The following KLHDC4 variants were observed in gnomAD, a reference collection of about 807,000 sequenced individuals.
KLHDC4 encodes the protein kelch domain-containing protein 4.
KLHDC4 carries 90 observed loss-of-function variants against 62.4 expected under a neutral mutation model. That is an observed-to-expected ratio of 1.44 (90% CI 1.22 to 1.72). The LOEUF is 1.72. KLHDC4 is among the 40% of genes most tolerant of loss of function. KLHDC4 has a pLI of 0.00. For synonymous variants in KLHDC4, 386 were observed against 284.4 expected, an observed-to-expected ratio of 1.36 and a Z score of -3.59; for missense variants, 1,025 against 699.7, an observed-to-expected ratio of 1.47 and a Z score of -5.25.
rs1343249721 is a variant in KLHDC4, at chr16:87,711,389, G to C, written c.890C>G (p.Ser297Cys). ...CGGGGCCATGGCCACGGAAAAGCCAGACCGTGGGGTGGGCTTGACCCCCGA... is the reference window on the plus strand; with the variant it reads ...CGGGGCCATGGCCACGGAAAAGCCACACCGTGGGGTGGGCTTGACCCCCGA... The part of the protein sequence containing the change: ...NPSGVKPTPR[S>C]GFSVAMAPNH... Residue 297 changes from serine (S) to cysteine (C), a missense_variant, in exon 9 of 12, where the codon TCT becomes TGT. By Grantham distance (112) the Ser-to-Cys change is moderately radical. Coordinates refer to ENST00000270583, the MANE Select transcript of KLHDC4 (RefSeq NM_017566.4). 2 of 1,613,648 alleles carry C rather than the reference G, an allele frequency of 1.2e-6. No homozygotes were observed. The highest frequency in any genetic ancestry group is 1.6e-4 in the Middle Eastern group (1 of 6,062).
At chr16:87,730,879 T>A (rs766433436) in intron 5 of KLHDC4, 26 of 410,858 alleles carry the variant, frequency 6.3e-5, no homozygotes, top group Non-Finnish European at 1.0e-4. Context: ...CTCCAAGACC[T>A]TGGACTGCAT....
rs1401275855 is a variant in KLHDC4, at chr16:87,714,350, C to A, written c.835+148G>T. The A allele has an allele frequency of 4.8e-6, 4 of 828,544 alleles. No homozygotes were observed. The South Asian group carries it at 6.5e-5, about 14-fold the overall frequency. The allele number at this position is 828,544 out of a possible 1,614,324, so 51.3% of individuals were successfully genotyped here. A position where few individuals can be genotyped will look rare whatever the true frequency, so the allele number is the denominator to read the frequency against. ...TATGGAGCCTGTCCCACCCGGCCCA[C>A]CCCGAAATGAGCCATCTCGGCAGGC... On this transcript the variant is annotated intron_variant, in intron 8 of 11. Coordinates refer to ENST00000270583, the MANE Select transcript of KLHDC4 (RefSeq NM_017566.4).
chr16:87,716,766 C>T (rs56301296), intron 7 of KLHDC4, among the ~76,000 whole-genome samples: 11,260 of 151,974 alleles, frequency 0.074, 576 homozygotes, highest in Non-Finnish European at 0.1. Context: ...CCCATCTCTA[C>T]GAAAAATACA....
chr16:87,758,706 G>A (rs2045400998), intron 2 of KLHDC4, among the ~76,000 whole-genome samples: 1 of 152,206 alleles, frequency 6.6e-6, no homozygotes, highest in Non-Finnish European at 1.5e-5. Context: ...CATGTTTTAA[G>A]AAAGTTTACA....
chr16:87,763,042 C>A (rs934385790), intron 1 of KLHDC4, among the ~76,000 whole-genome samples: 6 of 152,288 alleles, frequency 3.9e-5, no homozygotes, highest in Middle Eastern at 6.8e-3. Context: ...CCTCTCATCT[C>A]AGGGTGAATG....
chr16:87,748,538 C>A (rs902125368), intron 5 of KLHDC4, 135 bp downstream of exon 5: 15 of 1,140,604 alleles, frequency 1.3e-5, no homozygotes, highest in Middle Eastern at 2.6e-4. Flanking sequence ...CAGGACCCAG[C>A]GAGGCTGGGC....
intron 6 of KLHDC4, among the ~76,000 whole-genome samples, chr16:87,729,124 A>G (rs1287884073): frequency 2.0e-5 from 3 of 152,124 alleles, no homozygotes. Context: ...TTCCCCCTTG[A>G]AAAGTATTTA....
chr16:87,736,007 A>C (rs1053221051), intron 5 of KLHDC4, among the ~76,000 whole-genome samples: 1 of 152,238 alleles, frequency 6.6e-6, no homozygotes, highest in African/African-American at 2.4e-5. Context: ...CGCTTCTCTG[A>C]GTGACTTTAC....
At chr16:87,730,435 G>A (rs1385696144) in intron 6 of KLHDC4, 117 bp downstream of exon 6, 1 of 859,862 alleles carries the variant, frequency 1.2e-6, no homozygotes, top group Non-Finnish European at 1.8e-6. Context: ...CAAAGCTCAT[G>A]AAGCTGGATT....
chr16:87,736,523 G>C (rs1158262095), intron 5 of KLHDC4, among the ~76,000 whole-genome samples: 1 of 152,108 alleles, frequency 6.6e-6, no homozygotes, highest in Non-Finnish European at 1.5e-5. Context: ...AGAGCCGTGT[G>C]CATGCACCTC....
chr16:87,710,664 A>T (rs921661525), intron 9 of KLHDC4: 4 of 152,836 alleles, frequency 2.6e-5, no homozygotes, highest in African/African-American at 7.2e-5. Flanking sequence ...TGTTTTTCCA[A>T]TTTCCAGCCC....
chr16:87,734,622 C>G (rs898951552), intron 5 of KLHDC4, among the ~76,000 whole-genome samples: 1 of 152,180 alleles, frequency 6.6e-6, no homozygotes, highest in African/African-American at 2.4e-5. Context: ...GAATGTCAAC[C>G]AGAAGCAATC....
intron 7 of KLHDC4, among the ~76,000 whole-genome samples, chr16:87,720,213 G>C (rs879457029): frequency 2.0e-5 from 3 of 152,222 alleles, no homozygotes; most frequent in Non-Finnish European, 4.4e-5. Flanking sequence ...GGTAGATAAA[G>C]GCCGGGGAGC....
chr16:87,732,809 C>T (rs1181712592), intron 5 of KLHDC4, among the ~76,000 whole-genome samples: 2 of 151,680 alleles, frequency 1.3e-5, no homozygotes, highest in African/African-American at 2.4e-5. Context: ...ATCCCAGCTT[C>T]TACAGGTGAA....
chr16:87,710,395 A>G (rs1307954408), intron 9 of KLHDC4: 2 of 152,260 alleles, frequency 1.3e-5, no homozygotes, highest in East Asian at 3.8e-4. Context: ...AGTCAGCTTC[A>G]CATTCTAGAC....
chr16:87,724,713 C>T (rs2039031868), intron 7 of KLHDC4, among the ~76,000 whole-genome samples: 1 of 152,122 alleles, frequency 6.6e-6, no homozygotes, highest in Non-Finnish European at 1.5e-5. Context: ...ACTGGAACTC[C>T]CCAACATTTC....
chr16:87,732,659 C>T (rs533252908), intron 5 of KLHDC4, among the ~76,000 whole-genome samples: 20 of 152,306 alleles, frequency 1.3e-4, no homozygotes, highest in South Asian at 1.2e-3. Context: ...ATCAACTTGA[C>T]AAAGATGTTT....
At chr16:87,714,354 GAAATGAGCCATCTCGGCA>G in intron 8 of KLHDC4, 126 bp downstream of exon 8, 19 of 139,234 alleles carry the variant, frequency 1.4e-4, no homozygotes, top group Non-Finnish European at 1.9e-4. Context: ...GGCCCACCCC[GAAATGAGCCATCTCGGCA>G]GGCCCTCCGC....
rs903639958 is a variant in KLHDC4, at chr16:87,726,829, G to C, written c.695C>G (p.Ser232Ter). 6.2e-7 allele frequency: 1 copy of C among 1,612,418 alleles called. No homozygotes were observed. The highest frequency in any genetic ancestry group is 8.5e-7 in the Non-Finnish European group (1 of 1,179,418). ...SPSGTGPTPRSGCQMSVTPQG... is the reference protein window; with the variant it reads ...SPSGTGPTPR ...GGGAGTGACGGACATCTGGCAGCCT[G>C]ATCTGGGTGTGGGCCCCGTCCCTGA... The change falls in exon 7 of 12, where the codon TCA (serine) becomes TGA (stop). Residue 232 changes from serine (S) to a stop codon, truncating the protein, a stop_gained. Coordinates refer to ENST00000270583, the MANE Select transcript of KLHDC4 (RefSeq NM_017566.4). LOFTEE classifies it high-confidence loss of function.
Sources: gnomAD v4.1 joint callset for allele counts (sites outside exome capture counted in the v4.1 genomes callset) on GRCh38, gnomAD v4.1.1 for gene constraint, MANE v1.5 for transcripts, NCBI Gene and HGNC (gene_info 2026-07-23, HGNC 2026-07-21) for gene names.